PHTF2: variants seen among roughly 807,000 people sequenced by gnomAD.
The protein encoded by PHTF2 is protein PHTF2.
Under a neutral mutation model 101.2 loss-of-function variants are expected in PHTF2, and 60 were observed. The observed-to-expected ratio is 0.59, with a 90% confidence interval of 0.48 to 0.73. PHTF2 has a LOEUF of 0.73. Ranked by LOEUF, PHTF2 falls within the 30% of genes least tolerant of loss-of-function variation. PHTF2 has a pLI of 0.00. For missense variants in PHTF2, 747 were observed against 908.7 expected (o/e 0.82, Z 2.29); for synonymous variants, 311 against 307.3 (o/e 1.01, Z -0.13).
At chr7:77,867,545 CTTA>C (rs1195888533) in intron 3 of PHTF2, among the ~76,000 whole-genome samples, 1 of 152,144 alleles carries the variant, frequency 6.6e-6, no homozygotes, top group African/African-American at 2.4e-5. Flanking sequence ...ATGCTGACTA[CTTA>C]TTATTGCTGT....
At chr7:77,908,589 C>A (rs1425932008) in intron 7 of PHTF2, among the ~76,000 whole-genome samples, 1 of 152,034 alleles carries the variant, frequency 6.6e-6, no homozygotes, top group Non-Finnish European at 1.5e-5. Flanking sequence ...TTGTCTTGTT[C>A]CGAGAGTTTA....
chr7:77,952,423 C>G (rs984875997), intron 18 of PHTF2, among the ~76,000 whole-genome samples: 2 of 152,050 alleles, frequency 1.3e-5, no homozygotes, highest in African/African-American at 4.8e-5. Flanking sequence ...AGACTATGCA[C>G]CACATAGTAT....
chr7:77,902,156 A>G (rs1801453553), intron 7 of PHTF2, among the ~76,000 whole-genome samples: 1 of 152,120 alleles, frequency 6.6e-6, no homozygotes, highest in Non-Finnish European at 1.5e-5. Flanking sequence ...AATCGAGAAG[A>G]TTTTTTAAAA....
intron 16 of PHTF2, among the ~76,000 whole-genome samples, chr7:77,947,982 G>A (rs1806225677): frequency 6.6e-6 from 1 of 151,500 alleles, no homozygotes; most frequent in African/African-American, 2.4e-5. Flanking sequence ...GGGATTACAG[G>A]AGTGTGCCAC....
At chr7:77,816,888 G>A (rs532276464) in intron 1 of PHTF2, among the ~76,000 whole-genome samples, 7 of 152,136 alleles carry the variant, frequency 4.6e-5, no homozygotes, top group African/African-American at 1.7e-4. Context: ...ATGTTGCTGC[G>A]AATGACAGGA....
exon 20 of PHTF2, chr7:77,954,944 G>C: frequency 1.2e-6 from 1 of 810,916 alleles, no homozygotes; most frequent in Non-Finnish European, 2.0e-6. Flanking sequence ...CTGCCTGAAA[G>C]CTTGTCACTG....
rs199798722 is a variant in PHTF2 at position 77,931,245 on chromosome 7, A to C, written c.1338+1918A>C. On this transcript the variant is annotated intron_variant, in intron 12 of 19. Coordinates refer to ENST00000416283, the Ensembl canonical transcript of PHTF2. ...TTTAAAAACAAGATATAAAAAGCACAAACAAAAATGGAGAGATAAATTTGA... is the reference window on the plus strand; with the variant it reads ...TTTAAAAACAAGATATAAAAAGCACCAACAAAAATGGAGAGATAAATTTGA... 9.8e-5 allele frequency among the ~76,000 whole-genome samples: 15 copies of C among 152,358 alleles called. No individual in the cohort carries two copies. In the East Asian group the frequency reaches 1.9e-3, roughly 20 times the overall value.
intron 12 of PHTF2, among the ~76,000 whole-genome samples, chr7:77,933,009 C>A (rs1263007388): frequency 1.3e-5 from 2 of 152,026 alleles, no homozygotes; most frequent in Non-Finnish European, 2.9e-5. Flanking sequence ...GAGGCCGAGG[C>A]GGGTGGATCA....
At chr7:77,939,589 C>CAAAAAAAA (rs914007792) in intron 13 of PHTF2, among the ~76,000 whole-genome samples, 2 of 75,058 alleles carry the variant, frequency 2.7e-5, no homozygotes, top group Non-Finnish European at 3.0e-5. Context: ...GACCCTGTCT[C>CAAAAAAAA]AAAAAAAAAA....
intron 3 of PHTF2, among the ~76,000 whole-genome samples, chr7:77,893,286 CTGT>C (rs944415993): frequency 3.9e-5 from 6 of 152,112 alleles, no homozygotes; most frequent in African/African-American, 1.2e-4. Context: ...GCCCTAGTGT[CTGT>C]TGTTCTCCTC....
At chr7:77,922,947 A>G in intron 11 of PHTF2, 169 bp downstream of exon 10, 2 of 1,354,396 alleles carry the variant, frequency 1.5e-6, no homozygotes, top group South Asian at 3.9e-5. Context: ...AGGTTTACGT[A>G]TTGCACATGT....
chr7:77,850,407 A>G (rs1014916246), intron 2 of PHTF2, among the ~76,000 whole-genome samples: 1 of 146,566 alleles, frequency 6.8e-6, no homozygotes, highest in African/African-American at 2.5e-5. Context: ...TCACACCCTA[A>G]GGCAGGAGGG....
chr7:77,799,610 A>G (rs1414329704), intron 1 of PHTF2, among the ~76,000 whole-genome samples: 1 of 152,180 alleles, frequency 6.6e-6, no homozygotes, highest in African/African-American at 2.4e-5. Context: ...AGCATGCTTC[A>G]GCTTTTCTTA....
At chr7:77,944,940 C>T (rs1379718843) in intron 16 of PHTF2, among the ~76,000 whole-genome samples, 1 of 152,086 alleles carries the variant, frequency 6.6e-6, no homozygotes, top group African/African-American at 2.4e-5. Flanking sequence ...ACATAGTGAA[C>T]TGGGAGGTGA....
intron 12 of PHTF2, among the ~76,000 whole-genome samples, chr7:77,933,510 A>G (rs1196565713): frequency 1.3e-5 from 2 of 152,164 alleles, no homozygotes; most frequent in Non-Finnish European, 2.9e-5. Flanking sequence ...GACAAGGTCT[A>G]GGGTGTGGCT....
At position 77,933,098 on chromosome 7, in the gene PHTF2, C is replaced by T. The variant is rs554443064; in HGVS notation, c.1338+3771C>T. ...CTAAAAATACAAAAAATTAGCCGGG[C>T]GTGGTGGCGGGTGCCTGTAATCCCA... On this transcript the variant is annotated intron_variant, in intron 12 of 19. Coordinates refer to ENST00000416283, the Ensembl canonical transcript of PHTF2. Among the ~76,000 whole-genome samples, 9 of 152,056 alleles carry T rather than the reference C, an allele frequency of 5.9e-5. No individual in the cohort carries two copies. The East Asian group carries it at 1.7e-3, about 29-fold the overall frequency.
chr7:77,877,673 A>G (rs749069574), intron 3 of PHTF2, among the ~76,000 whole-genome samples: 2 of 152,204 alleles, frequency 1.3e-5, no homozygotes, highest in Non-Finnish European at 2.9e-5. Flanking sequence ...GGGCCAGGAA[A>G]AACCACCATG....
At chr7:77,924,153 C>T (rs1351306744) in intron 11 of PHTF2, 1 of 953,056 alleles carries the variant, frequency 1.0e-6, no homozygotes, top group Non-Finnish European at 1.2e-6. Flanking sequence ...CAAAATAAAG[C>T]CTCCTTTGAA....
chr7:77,932,607 AGAGAGAGAGAGAGAGTGTGT>A (rs1804690055), intron 12 of PHTF2, among the ~76,000 whole-genome samples: 1 of 85,882 alleles, frequency 1.2e-5, no homozygotes, highest in East Asian at 4.0e-4. Flanking sequence ...AGAGAAAGAG[AGAGAGAGAGAGAGAGTGTGT>A]GTGTGTGTGT....
Sources: gnomAD v4.1 joint callset for allele counts (sites outside exome capture counted in the v4.1 genomes callset) on GRCh38, gnomAD v4.1.1 for gene constraint, MANE v1.5 for transcripts, NCBI Gene and HGNC (gene_info 2026-07-23, HGNC 2026-07-21) for gene names.